The following EGFLAM variants were observed in gnomAD, a reference collection of about 807,000 sequenced individuals.
EGFLAM encodes the protein pikachurin.
EGFLAM carries 79 observed loss-of-function variants against 113.1 expected under a neutral mutation model. That is an observed-to-expected ratio of 0.70 (90% CI 0.58 to 0.84). EGFLAM has a LOEUF of 0.84. EGFLAM is among the 40% of genes least tolerant of loss of function. The pLI, the probability that EGFLAM is intolerant of heterozygous loss-of-function variation, is 0.00. For missense variants in EGFLAM, 1,265 were observed against 1,291.6 expected (o/e 0.98, Z 0.32); for synonymous variants, 504 against 487.6 (o/e 1.03, Z -0.44).
chr5:38,456,739 C>G (rs1239477963), intron 19 of EGFLAM, among the ~76,000 whole-genome samples: 2 of 151,866 alleles, frequency 1.3e-5, no homozygotes, highest in East Asian at 3.8e-4. Context: ...CATGCCAGTG[C>G]TTGTTAACTC....
At chr5:38,426,979 G>A (rs1385650864) in intron 13 of EGFLAM, 30 bp from the exon 14 acceptor site, 1 of 1,610,554 alleles carries the variant, frequency 6.2e-7, no homozygotes, top group Non-Finnish European at 8.5e-7. Flanking sequence ...TGCCACAGAG[G>A]GATTTCTAAC....
chr5:38,443,509 T>C (rs1191031240), intron 17 of EGFLAM, among the ~76,000 whole-genome samples: 1 of 152,096 alleles, frequency 6.6e-6, no homozygotes, highest in East Asian at 1.9e-4. Flanking sequence ...TTTTGTTTGT[T>C]TTTCCTTTGT....
At chr5:38,269,184 GCAA>G (rs112504712) in intron 1 of EGFLAM, among the ~76,000 whole-genome samples, 5 of 152,026 alleles carry the variant, frequency 3.3e-5, no homozygotes, top group South Asian at 4.2e-4. Flanking sequence ...TGCATCAACA[GCAA>G]CAACAACAAC....
intron 1 of EGFLAM, among the ~76,000 whole-genome samples, chr5:38,312,760 G>A (rs1047973937): frequency 5.9e-5 from 9 of 152,064 alleles, no homozygotes; most frequent in Non-Finnish European, 5.9e-5. Context: ...TTATTTTTCT[G>A]TCATAAAAGT....
chr5:38,445,798 C>A, intron 17 of EGFLAM: 1 of 1,297,794 alleles, frequency 7.7e-7, no homozygotes, highest in Non-Finnish European at 1.1e-6. Flanking sequence ...GGTGTGGGAG[C>A]TGGGACATGC....
At position 38,418,077 on chromosome 5, in the gene EGFLAM, T is replaced by C; in HGVS notation, c.1506T>C (p.Ser502=). The change falls in exon 12 of 22, where the codon AGT becomes AGC. Residue 502 remains serine, a synonymous_variant. Transcript: ENST00000322350. ...CATCTTTCTTAAAGGGCCAATACAG[T>C]AAAATTACTTTCCGGACACCTCTCT... ...PVTGQSQGQY[S]KITFRTPLYL... 2 of 1,613,790 alleles carry C rather than the reference T, an allele frequency of 1.2e-6. No homozygotes were observed. The highest frequency in any genetic ancestry group is 3.3e-4 in the Middle Eastern group (2 of 6,054).
At position 38,383,972 on chromosome 5, in the gene EGFLAM, G is replaced by A. The variant is rs530818309; in HGVS notation, c.712+13510G>A. Among the ~76,000 whole-genome samples, 103 of 152,144 alleles carry A rather than the reference G, an allele frequency of 6.8e-4. 1 individual carries two copies. In the South Asian group the frequency reaches 0.014, roughly 21 times the overall value. ...CAGAAAGTTTGCCAGGGGTCAGAGC[G>A]TGTCAAATCTTATAGGTCCTGATGA... is the stretch of plus-strand genomic sequence containing the variant. On this transcript the variant is annotated intron_variant, in intron 6 of 21. Transcript: ENST00000322350.
intron 6 of EGFLAM, chr5:38,401,719 T>C (rs762291794): frequency 6.6e-6 from 1 of 152,178 alleles, no homozygotes; most frequent in Non-Finnish European, 1.5e-5. Context: ...AGGGAAAGGA[T>C]ATGAAGAAAT....
At chr5:38,386,005 TA>T (rs1393572975) in intron 6 of EGFLAM, among the ~76,000 whole-genome samples, 4 of 152,140 alleles carry the variant, frequency 2.6e-5, no homozygotes, top group African/African-American at 9.7e-5. Flanking sequence ...CAAGCAAATG[TA>T]AGCAGTGGTA....
At chr5:38,386,615 T>A (rs1431546948) in intron 6 of EGFLAM, among the ~76,000 whole-genome samples, 4 of 152,236 alleles carry the variant, frequency 2.6e-5, no homozygotes, top group African/African-American at 9.6e-5. Context: ...CAAGTGATTG[T>A]CCTGCCTCAG....
intron 17 of EGFLAM, among the ~76,000 whole-genome samples, chr5:38,439,615 T>G (rs1179596298): frequency 2.6e-5 from 4 of 152,218 alleles, no homozygotes; most frequent in Non-Finnish European, 5.9e-5. Context: ...GTTGGAAGCC[T>G]TAGTAGTATT....
At chr5:38,405,689 G>A (rs570999173) in intron 6 of EGFLAM, among the ~76,000 whole-genome samples, 36 of 152,206 alleles carry the variant, frequency 2.4e-4, no homozygotes, top group East Asian at 3.9e-4. Context: ...CACGCCTTTT[G>A]GTACACAGGT....
intron 19 of EGFLAM, among the ~76,000 whole-genome samples, chr5:38,452,347 A>G (rs541920820): frequency 2.2e-4 from 33 of 152,144 alleles, no homozygotes; most frequent in African/African-American, 6.7e-4. Flanking sequence ...TCTCTCATTT[A>G]TATATTGCCT....
At chr5:38,458,415 G>A in intron 20 of EGFLAM, 21 bp downstream of exon 20, 1 of 1,612,184 alleles carries the variant, frequency 6.2e-7, no homozygotes, top group Non-Finnish European at 8.5e-7. Flanking sequence ...CCCGCAGCAT[G>A]AGGCAGAGCC....
chr5:38,342,548 G>T lies in EGFLAM; in HGVS notation c.291+3767G>T, dbSNP rs188241127. Among the ~76,000 whole-genome samples, 174 of 152,296 alleles carry T rather than the reference G, an allele frequency of 1.1e-3. 1 individual carries two copies. Among genetic ancestry groups the T allele is most frequent in the African/African-American group, 4.0e-3 (167 of 41,554 alleles). The stretch of plus-strand genomic sequence containing the variant: ...ACCCTGGCTGATAATGTGGAGTTGG[G>T]CTGCATTGTTTGATAATCTGCCTTA... On this transcript the variant is annotated intron_variant, in intron 3 of 21. Transcript: ENST00000322350.
At chr5:38,308,074 G>A (rs1024104470) in intron 1 of EGFLAM, among the ~76,000 whole-genome samples, 2 of 152,208 alleles carry the variant, frequency 1.3e-5, no homozygotes, top group African/African-American at 4.8e-5. Context: ...ATATGTTGTT[G>A]GAAAGATGTC....
intron 11 of EGFLAM, among the ~76,000 whole-genome samples, chr5:38,416,811 A>ACCT (rs1265488618): frequency 6.6e-6 from 1 of 152,196 alleles, no homozygotes; most frequent in Non-Finnish European, 1.5e-5. Context: ...AAACAGCGTA[A>ACCT]CCTGACCCTG....
At chr5:38,375,421 C>G (rs1740340705) in intron 6 of EGFLAM, among the ~76,000 whole-genome samples, 1 of 152,152 alleles carries the variant, frequency 6.6e-6, no homozygotes, top group African/African-American at 2.4e-5. Flanking sequence ...CCACTTTGCT[C>G]CTTGAACAGC....
At chr5:38,443,753 C>T (rs750283455) in intron 17 of EGFLAM, among the ~76,000 whole-genome samples, 1 of 150,682 alleles carries the variant, frequency 6.6e-6, no homozygotes, top group East Asian at 1.9e-4. Flanking sequence ...GGAAAGAAAC[C>T]GTGGTCCCTT....
Sources: gnomAD v4.1 joint callset for allele counts (sites outside exome capture counted in the v4.1 genomes callset) on GRCh38, gnomAD v4.1.1 for gene constraint, MANE v1.5 for transcripts, NCBI Gene and HGNC (gene_info 2026-07-23, HGNC 2026-07-21) for gene names.